The following PHC2 variants were observed in gnomAD, a reference collection of about 807,000 sequenced individuals.
PHC2 encodes the protein polyhomeotic homolog 2, also known as polyhomeotic-like protein 2.
PHC2 carries 29 observed loss-of-function variants against 87.4 expected under a neutral mutation model. The ratio of observed to expected loss-of-function variants is 0.33; its 90% CI spans 0.25 to 0.45. The LOEUF (loss-of-function observed/expected upper bound fraction) is 0.45, where lower values mean the gene tolerates loss of function less well. Ranked by LOEUF, PHC2 falls within the 20% of genes least tolerant of loss-of-function variation. PHC2 has a pLI of 1.00. For synonymous variants in PHC2, 438 were observed against 461.7 expected (o/e 0.95, Z 0.66); for missense variants, 857 against 1,136.7 (o/e 0.75, Z 3.54).
intron 1 of PHC2, among the ~76,000 whole-genome samples, chr1:33,402,229 C>T (rs1268057955): frequency 6.6e-6 from 1 of 152,048 alleles, no homozygotes; most frequent in African/African-American, 2.4e-5. Context: ...ATTAAAACTA[C>T]AATAGGATAA....
chr1:33,413,037 G>C (rs940192748), intron 1 of PHC2, among the ~76,000 whole-genome samples: 1 of 152,166 alleles, frequency 6.6e-6, no homozygotes, highest in Non-Finnish European at 1.5e-5. Flanking sequence ...CACAATCTCA[G>C]CTCACTGCAG....
intron 1 of PHC2, among the ~76,000 whole-genome samples, chr1:33,418,454 T>C (rs1650298287): frequency 6.6e-6 from 1 of 152,120 alleles, no homozygotes. Flanking sequence ...TGAAACAATA[T>C]TATGAACTAC....
At chr1:33,427,350 T>A (rs1570518969) in intron 1 of PHC2, among the ~76,000 whole-genome samples, 1 of 152,346 alleles carries the variant, frequency 6.6e-6, no homozygotes, top group East Asian at 1.9e-4. Context: ...GACTTGCTAT[T>A]AAGGATATGA....
At chr1:33,412,588 CT>C (rs1650027481) in intron 1 of PHC2, among the ~76,000 whole-genome samples, 1 of 152,126 alleles carries the variant, frequency 6.6e-6, no homozygotes, top group South Asian at 2.1e-4. Flanking sequence ...AGATTTAATC[CT>C]TGCACAGGCC....
intron 1 of PHC2, among the ~76,000 whole-genome samples, chr1:33,383,941 C>G (rs1648616262): frequency 6.6e-6 from 1 of 152,158 alleles, no homozygotes; most frequent in East Asian, 1.9e-4. Flanking sequence ...GGATTTCATA[C>G]TTCCAGCCTC....
rs754271724 is a variant in PHC2 at position 33,331,309 on chromosome 1, T to G, written c.2006+39A>C. The G allele has an allele frequency of 3.6e-6, 4 of 1,102,970 alleles. No homozygotes were observed. In the Admixed American group the frequency reaches 7.0e-5, roughly 19 times the overall value. 68.3% of individuals were successfully genotyped at this position (1,102,970 alleles called of 1,614,324 possible). On this transcript the variant is annotated intron_variant, in intron 12 of 14. Coordinates refer to ENST00000683057, the MANE Select transcript of PHC2 (RefSeq NM_001385109.1). The surrounding 1 kb of genome is among the most constrained non-coding windows in gnomAD (Gnocchi z 5.2). ...TAATGGCAGGAGGTGGGACATAAAG[T>G]GCAGTCCTGGGGAAATGGAGGGGGC...
chr1:33,331,068 C>T lies in PHC2; in HGVS notation c.2006+280G>A, dbSNP rs1488425803. Among the ~76,000 whole-genome samples, 1 of 152,144 alleles carries T rather than the reference C, an allele frequency of 6.6e-6. No homozygotes were observed. The highest frequency in any genetic ancestry group is 2.4e-5 in the African/African-American group (1 of 41,422). The stretch of plus-strand genomic sequence containing the variant: ...CCTAACAAGGCAGGGGCTGTCAATG[C>T]TAGGAAAGGCGAATGGGTGCCAGTG... On this transcript the variant is annotated intron_variant, in intron 12 of 14. Transcript: ENST00000683057. This position sits in a 1 kb window ranked among gnomAD's most constrained non-coding sequence, Gnocchi z 5.2.
At chr1:33,397,014 T>C (rs886826354) in intron 1 of PHC2, among the ~76,000 whole-genome samples, 4 of 152,246 alleles carry the variant, frequency 2.6e-5, no homozygotes, top group African/African-American at 9.6e-5. Context: ...TGGGAAGGCC[T>C]GCTCTGCCTC....
In PHC2 at chr1:33,370,476, G is replaced by A. The variant is rs770954672; in HGVS notation, c.521C>T (p.Thr174Met). Residue 174 changes from threonine to methionine, a missense_variant, in exon 5 of 15, where the codon ACG (threonine) becomes ATG (methionine). Physicochemically the swap from Thr to Met is moderately conservative, Grantham distance 81 (BLOSUM62 -1). This residue lies in a region of PHC2 where 832 missense variants were observed against 1,081.8 expected (regional missense o/e 0.77). Transcript: ENST00000683057. ...GCTTGCAGTCAGGGCTGGGGAAGAC[G>A]TGTTGCCCAAGAGCACAGCCTGCTG... ...IAQQAVLLGN[T>M]SSPALTASQA... The A allele has an allele frequency of 1.3e-5, 21 of 1,614,032 alleles. 1 individual carries two copies. The highest frequency in any genetic ancestry group is 5.5e-5 in the South Asian group (5 of 91,082).
chr1:33,324,711 T>G lies in PHC2; in HGVS notation c.*154A>C. ...AGAAATGAAAGGCCCCTGAGAGCCA[T>G]GGAGGAGGTGCCCAGACCTCCTCAC... On this transcript the variant is annotated 3_prime_UTR_variant, in exon 15 of 15. Transcript: ENST00000683057. 1.5e-6 allele frequency: 1 copy of G among 663,076 alleles called. No homozygotes were observed. Among genetic ancestry groups the G allele is most frequent in the Non-Finnish European group, 2.4e-6 (1 of 417,066 alleles). 41.1% of individuals were successfully genotyped at this position (663,076 alleles called of 1,614,324 possible).
At chr1:33,338,760 G>A (rs1014346526) in intron 9 of PHC2, among the ~76,000 whole-genome samples, 1 of 152,140 alleles carries the variant, frequency 6.6e-6, no homozygotes, top group African/African-American at 2.4e-5. Context: ...AGTGCTGCCG[G>A]GCATTCCCAC....
intron 1 of PHC2, among the ~76,000 whole-genome samples, chr1:33,421,411 A>C (rs1404949193): frequency 2.0e-5 from 3 of 152,180 alleles, no homozygotes; most frequent in African/African-American, 7.2e-5. Flanking sequence ...GCAGAAGTCT[A>C]AGTAAAGGGA....
At chr1:33,325,126 T>C in intron 14 of PHC2, 107 bp from the exon 15 acceptor site, 1 of 1,133,248 alleles carries the variant, frequency 8.8e-7, no homozygotes, top group Non-Finnish European at 1.2e-6. Flanking sequence ...CCATTATTTC[T>C]TTTAGTCCTC....
intron 1 of PHC2, among the ~76,000 whole-genome samples, chr1:33,424,076 C>T (rs541552073): frequency 1.5e-5 from 2 of 136,402 alleles, no homozygotes; most frequent in South Asian, 2.3e-4. Flanking sequence ...CCAGCCAGGT[C>T]GACAGAACGA....
chr1:33,339,302 G>A (rs1316518747), intron 9 of PHC2, among the ~76,000 whole-genome samples: 1 of 152,154 alleles, frequency 6.6e-6, no homozygotes, highest in Non-Finnish European at 1.5e-5. Context: ...ATACAGGGCT[G>A]CCTAGTGCCA....
chr1:33,393,049 C>T (rs1439635326), intron 1 of PHC2, among the ~76,000 whole-genome samples: 3 of 152,192 alleles, frequency 2.0e-5, no homozygotes, highest in African/African-American at 4.8e-5. Context: ...CTTGTCCCCT[C>T]TATCCTGTAC....
intron 6 of PHC2, 39 bp from the exon 7 acceptor site, chr1:33,367,467 C>T: frequency 6.8e-7 from 1 of 1,462,578 alleles, no homozygotes; most frequent in South Asian, 1.3e-5. Flanking sequence ...GAGAATGTGG[C>T]AGGAGCAATG....
chr1:33,406,309 C>A (rs1272396871), intron 1 of PHC2, among the ~76,000 whole-genome samples: 2 of 152,070 alleles, frequency 1.3e-5, no homozygotes, highest in Non-Finnish European at 2.9e-5. Flanking sequence ...AGCAATTGGG[C>A]TTACTTTTGG....
intron 7 of PHC2, among the ~76,000 whole-genome samples, chr1:33,359,796 C>T (rs1327993860): frequency 1.3e-5 from 2 of 152,180 alleles, no homozygotes; most frequent in African/African-American, 4.8e-5. Flanking sequence ...ACAAAAGGAA[C>T]AGCATTCGGG....
Sources: allele counts gnomAD v4.1 joint callset (sites outside exome capture counted in the v4.1 genomes callset), GRCh38; gene constraint gnomAD v4.1.1; regional missense constraint gnomAD v4.1.1; non-coding constraint Gnocchi (gnomAD v3.1); transcripts MANE v1.5; gene names NCBI Gene and HGNC (gene_info 2026-07-23, HGNC 2026-07-21).